PPP3CA: variants seen among roughly 807,000 people sequenced by gnomAD.
The protein encoded by PPP3CA is CAM-PRP catalytic subunit.
PPP3CA carries 14 observed loss-of-function variants against 66.5 expected under a neutral mutation model. That is an observed-to-expected ratio of 0.21 (90% CI 0.14 to 0.33). The LOEUF is 0.33. Among genes scored for constraint, PPP3CA ranks in the 10% least tolerant of loss-of-function variants. The probability of loss-of-function intolerance (pLI) is 1.00; values close to 1 mark genes in which losing one functional copy is unlikely to be tolerated. For missense variants in PPP3CA, 317 were observed against 639.5 expected (o/e 0.50, Z 5.44); for synonymous variants, 232 against 226.2 (o/e 1.03, Z -0.23).
chr4:101,285,366 T>C (rs1727806579), intron 1 of PPP3CA, among the ~76,000 whole-genome samples: 2 of 152,168 alleles, frequency 1.3e-5, no homozygotes, highest in South Asian at 4.1e-4. Context: ...CTTTCCCTGC[T>C]AAATAGATTT....
chr4:101,061,314 C>T lies in PPP3CA; in HGVS notation c.1082-153G>A, dbSNP rs80322253. ...CAGTAAACATCCAGATCATAAAAGA[C>T]AGCCTTTGTGATTCTATGCAGACTT... On this transcript the variant is annotated intron_variant, in intron 9 of 13. Coordinates refer to ENST00000394854, the MANE Select transcript of PPP3CA (RefSeq NM_000944.5). Among the ~76,000 whole-genome samples the T allele has an allele frequency of 1.2e-3, 187 of 152,234 alleles. 3 individuals are homozygous for T. In the East Asian group the frequency reaches 0.016, roughly 13 times the overall value.
At chr4:101,104,107 C>T (rs1238217789) in intron 3 of PPP3CA, among the ~76,000 whole-genome samples, 2 of 151,948 alleles carry the variant, frequency 1.3e-5, no homozygotes, top group African/African-American at 2.4e-5. Context: ...ATAAATATAC[C>T]CAGCAGAGAC....
chr4:101,134,613 G>T (rs143839415), intron 2 of PPP3CA, among the ~76,000 whole-genome samples: 1 of 152,206 alleles, frequency 6.6e-6, no homozygotes, highest in African/African-American at 2.4e-5. Flanking sequence ...AAATAGGAAA[G>T]ATTTTGCACT....
chr4:101,308,988 A>G (rs1035890235), intron 1 of PPP3CA, among the ~76,000 whole-genome samples: 2 of 152,134 alleles, frequency 1.3e-5, no homozygotes, highest in African/African-American at 2.4e-5. Flanking sequence ...TTAGCCTGGC[A>G]TGGTGGTGTG....
chr4:101,100,025 TA>T (rs202204969), intron 3 of PPP3CA, among the ~76,000 whole-genome samples: 154 of 150,550 alleles, frequency 1.0e-3, no homozygotes, highest in Non-Finnish European at 1.8e-3. Context: ...AGTGGGAGTT[TA>T]AAAAAAAATG....
chr4:101,088,220 C>T (rs1223621093), intron 6 of PPP3CA, among the ~76,000 whole-genome samples: 2 of 152,106 alleles, frequency 1.3e-5, no homozygotes, highest in Non-Finnish European at 2.9e-5. Context: ...TTTTACTTGT[C>T]TGTTTCTGCT....
chr4:101,074,703 T>G (rs148337582), intron 8 of PPP3CA, among the ~76,000 whole-genome samples: 1 of 152,330 alleles, frequency 6.6e-6, no homozygotes, highest in African/African-American at 2.4e-5. Context: ...CCTTTTTGAT[T>G]GGAAAATATA....
intron 1 of PPP3CA, among the ~76,000 whole-genome samples, chr4:101,334,238 G>A (rs1214140576): frequency 2.0e-5 from 3 of 151,854 alleles, no homozygotes; most frequent in African/African-American, 4.8e-5. Context: ...AGGTTCAAGC[G>A]ATTCTCTTGC....
chr4:101,085,879 G>A (rs942971040), intron 6 of PPP3CA, among the ~76,000 whole-genome samples: 1 of 151,616 alleles, frequency 6.6e-6, no homozygotes, highest in Non-Finnish European at 1.5e-5. Flanking sequence ...GAGAGAAAGA[G>A]CGAGAGAGAG....
chr4:101,183,994 C>T (rs1251389776), intron 2 of PPP3CA, among the ~76,000 whole-genome samples: 2 of 152,060 alleles, frequency 1.3e-5, no homozygotes, highest in Non-Finnish European at 2.9e-5. Context: ...ATTCTACAGG[C>T]CCAAGCTCAC....
chr4:101,026,203 C>T (rs1726642272), intron 13 of PPP3CA, 142 bp from the exon 14 acceptor site: 3 of 643,110 alleles, frequency 4.7e-6, no homozygotes, highest in Middle Eastern at 4.1e-4. Context: ...GACCTGCACA[C>T]CACACAACAG....
rs372731314 is a variant in PPP3CA, at chr4:101,106,437, G to GA, written c.384+2516dup. On this transcript the variant is annotated intron_variant, in intron 3 of 13. Transcript: ENST00000394854. ...AGAAAGAAAGAAAGAAAGAAAGAAA[G>GA]AAAGAAAGAAAGAAAGAGAAAAGAA... 1.7e-3 allele frequency among the ~76,000 whole-genome samples: 21 copies of GA among 12,146 alleles called. 4 individuals are homozygous for GA. Among genetic ancestry groups the GA allele is most frequent in the African/African-American group, 5.0e-3 (19 of 3,778 alleles). The allele number at this position is 12,146 out of a possible 152,430, so 8.0% of individuals were successfully genotyped here. A position where few individuals can be genotyped will look rare whatever the true frequency, so the allele number is the denominator to read the frequency against.
intron 3 of PPP3CA, among the ~76,000 whole-genome samples, chr4:101,106,214 G>C (rs1730660186): frequency 6.6e-6 from 1 of 151,298 alleles, no homozygotes. Flanking sequence ...CCAGCTACTT[G>C]GGAGGCTAAG....
At position 101,200,996 on chromosome 4, in the gene PPP3CA, A is replaced by C. The variant is rs139172561; in HGVS notation, c.59-4880T>G. 3.7e-3 allele frequency among the ~76,000 whole-genome samples: 556 copies of C among 152,324 alleles called. 3 individuals carry two copies. Among genetic ancestry groups the C allele is most frequent in the African/African-American group, 0.013 (536 of 41,576 alleles). ...AAACTGAGATATGCTGCAAATCCAC[A>C]GTTAGCACTGTATTTAGAAGACTTG... On this transcript the variant is annotated intron_variant, in intron 1 of 13. Transcript: ENST00000394854.
At chr4:101,317,457 C>T (rs1728917149) in intron 1 of PPP3CA, among the ~76,000 whole-genome samples, 1 of 152,052 alleles carries the variant, frequency 6.6e-6, no homozygotes, top group African/African-American at 2.4e-5. Flanking sequence ...TAAACATTCC[C>T]AGTATCTAAA....
At chr4:101,221,955 T>C (rs1012437418) in intron 1 of PPP3CA, among the ~76,000 whole-genome samples, 1 of 151,720 alleles carries the variant, frequency 6.6e-6, no homozygotes, top group Non-Finnish European at 1.5e-5. Flanking sequence ...CACTTAAAAA[T>C]AGGAGATATC....
chr4:101,178,127 TGAG>T (rs1724121318), intron 2 of PPP3CA, among the ~76,000 whole-genome samples: 1 of 152,102 alleles, frequency 6.6e-6, no homozygotes, highest in Admixed American at 6.6e-5. Flanking sequence ...GAAGTTTAAA[TGAG>T]GAGCATGTTA....
intron 5 of PPP3CA, 69 bp from the exon 6 acceptor site, chr4:101,093,984 A>C: frequency 6.8e-7 from 1 of 1,463,936 alleles, no homozygotes; most frequent in Non-Finnish European, 9.2e-7. Context: ...CAATACAAGA[A>C]ACAAGCACTG....
chr4:101,155,692 T>C (rs1723296339), intron 2 of PPP3CA, among the ~76,000 whole-genome samples: 1 of 152,162 alleles, frequency 6.6e-6, no homozygotes. Flanking sequence ...TGTTTTAAGT[T>C]CCCACTTTGG....
Sources: allele counts gnomAD v4.1 joint callset (sites outside exome capture counted in the v4.1 genomes callset), GRCh38; gene constraint gnomAD v4.1.1; transcripts MANE v1.5; gene names NCBI Gene and HGNC (gene_info 2026-07-23, HGNC 2026-07-21).